The following PIR variants were observed in gnomAD, a reference collection of about 807,000 sequenced individuals.
PIR encodes pirin.
Under a neutral mutation model 24.2 loss-of-function variants are expected in PIR, and 22 were observed. That is an observed-to-expected ratio of 0.91 (90% CI 0.65 to 1.30). The LOEUF is 1.30. Among genes scored for constraint, PIR ranks in the 50% most tolerant of loss-of-function variants. The pLI, the probability that PIR is intolerant of heterozygous loss-of-function variation, is 0.00. For missense variants in PIR, 220 were observed against 220.3 expected (o/e 1.00, Z 0.01); for synonymous variants, 80 against 79.6 (o/e 1.00, Z -0.03).
intron 7 of PIR, among the ~76,000 whole-genome samples, chrX:15,397,974 A>G (rs938622025): frequency 1.3e-4 from 15 of 112,093 alleles, no homozygotes; most frequent in Admixed American, 4.8e-4. Flanking sequence ...CATAGAAATA[A>G]TTCAAAATCC....
At chrX:15,416,668 C>G (rs1924929700) in intron 6 of PIR, among the ~76,000 whole-genome samples, 1 of 111,632 alleles carries the variant, frequency 9.0e-6, no homozygotes, top group South Asian at 3.8e-4. Flanking sequence ...TAGAATATAG[C>G]AAAACTGATG....
chrX:15,483,134 C>T (rs1922599138), intron 2 of PIR, among the ~76,000 whole-genome samples: 1 of 84,927 alleles, frequency 1.2e-5, no homozygotes, highest in South Asian at 4.2e-4. Flanking sequence ...AAAAAACATG[C>T]ACACATATAT....
intron 5 of PIR, among the ~76,000 whole-genome samples, chrX:15,438,175 A>G (rs1230277634): frequency 8.9e-6 from 1 of 112,401 alleles, no homozygotes; most frequent in Non-Finnish European, 1.9e-5. Flanking sequence ...AATTGACCAG[A>G]TCTGCTGAAA....
chrX:15,453,146 T>C (rs1045989912), intron 5 of PIR, among the ~76,000 whole-genome samples: 10 of 111,766 alleles, frequency 8.9e-5, no homozygotes, highest in African/African-American at 2.9e-4. Context: ...CACCAGTTGC[T>C]CCCTATCTTT....
intron 6 of PIR, among the ~76,000 whole-genome samples, chrX:15,412,312 A>G (rs1206912708): frequency 8.9e-6 from 1 of 112,176 alleles, no homozygotes; most frequent in African/African-American, 3.2e-5. Flanking sequence ...GTTATTTTAT[A>G]GAATGCCTCT....
At chrX:15,446,111 G>A (rs1241497612) in intron 5 of PIR, among the ~76,000 whole-genome samples, 2 of 110,872 alleles carry the variant, frequency 1.8e-5, no homozygotes, top group African/African-American at 6.6e-5. Flanking sequence ...TTACAGGCGT[G>A]AGCCACCACA....
At chrX:15,388,506 G>C (rs1256121729) in intron 9 of PIR, among the ~76,000 whole-genome samples, 2 of 112,215 alleles carry the variant, frequency 1.8e-5, no homozygotes, top group African/African-American at 3.2e-5. Context: ...AACCTCATAG[G>C]GTTGTTTTGA....
intron 2 of PIR, 109 bp from the exon 3 acceptor site, chrX:15,479,930 T>A: frequency 2.8e-6 from 1 of 357,658 alleles, no homozygotes; most frequent in Non-Finnish European, 4.9e-6. Context: ...ACATAGCCAA[T>A]GGGCAACTTT....
chrX:15,415,858 A>T (rs1924898022), intron 6 of PIR, among the ~76,000 whole-genome samples: 1 of 111,585 alleles, frequency 9.0e-6, no homozygotes, highest in Admixed American at 9.6e-5. Flanking sequence ...GTACATTTTT[A>T]TGATCTTGAG....
chrX:15,386,288 T>A (rs890797527), intron 9 of PIR, among the ~76,000 whole-genome samples: 3 of 112,446 alleles, frequency 2.7e-5, no homozygotes, highest in Non-Finnish European at 1.9e-5. Context: ...ATAATTTAAA[T>A]CTTCAGAAGG....
intron 3 of PIR, among the ~76,000 whole-genome samples, chrX:15,474,573 G>T (rs1922098272): frequency 8.9e-6 from 1 of 111,818 alleles, no homozygotes; most frequent in African/African-American, 3.3e-5. Context: ...TTAGTACAGT[G>T]GTGCCAAGGG....
intron 3 of PIR, chrX:15,464,229 T>C (rs1269177212): frequency 3.4e-5 from 4 of 117,000 alleles, no homozygotes; most frequent in East Asian, 2.8e-4. Context: ...TGTGTTAGTA[T>C]GCATGGAGGT....
At chrX:15,485,237 A>G (rs891646749) in intron 2 of PIR, among the ~76,000 whole-genome samples, 2 of 112,192 alleles carry the variant, frequency 1.8e-5, no homozygotes, top group Non-Finnish European at 3.8e-5. Context: ...TCTGGAGACT[A>G]AGAAGTCCAA....
At chrX:15,399,389 C>T (rs1924303222) in intron 7 of PIR, among the ~76,000 whole-genome samples, 1 of 112,137 alleles carries the variant, frequency 8.9e-6, no homozygotes, top group South Asian at 3.7e-4. Flanking sequence ...TGGAAATAAC[C>T]AATATGAGGC....
rs765703195 is a variant in PIR, at chrX:15,461,756, C to T, written c.190-2016G>A. Among the ~76,000 whole-genome samples, 14 of 112,043 alleles carry T rather than the reference C, an allele frequency of 1.2e-4. No individual in the cohort carries two copies. In the South Asian group the frequency reaches 4.8e-3, roughly 38 times the overall value. On this transcript the variant is annotated intron_variant, in intron 3 of 9. Transcript: ENST00000380420. ...CGAGATCGCACCATTGCACTCCAGC[C>T]TGGGCAACAAGACTGAGACTTCATC...
At position 15,486,348 on chromosome X, in the gene PIR, G is replaced by T. The variant is rs1922824294; in HGVS notation, c.96+4814C>A. ...AAAACTTGTGGCCACCACCCCTCAGGCATGTGGTACTCCCATAATAAAGCC... is the reference window on the plus strand; with the variant it reads ...AAAACTTGTGGCCACCACCCCTCAGTCATGTGGTACTCCCATAATAAAGCC... On this transcript the variant is annotated intron_variant, in intron 2 of 9. Coordinates refer to ENST00000380420, the MANE Select transcript of PIR (RefSeq NM_001018109.3). 3.1e-5 allele frequency among the ~76,000 whole-genome samples: 3 copies of T among 95,464 alleles called. No homozygotes were observed. The Admixed American group carries it at 3.6e-4, about 11-fold the overall frequency. 82.9% of individuals were successfully genotyped at this position (95,464 alleles called of 115,157 possible). A position where few individuals can be genotyped will look rare whatever the true frequency, so the allele number is the denominator to read the frequency against.
intron 7 of PIR, among the ~76,000 whole-genome samples, chrX:15,397,938 C>T (rs781114795): frequency 1.8e-5 from 2 of 112,023 alleles, no homozygotes; most frequent in South Asian, 7.4e-4. Flanking sequence ...TGGGACAATA[C>T]AGAGACATGC....
chrX:15,425,407 C>CTTCCTTT (rs1925272925), intron 6 of PIR, among the ~76,000 whole-genome samples: 2 of 100,489 alleles, frequency 2.0e-5, no homozygotes, highest in African/African-American at 8.0e-5. Context: ...TCTTTTCTTT[C>CTTCCTTT]TTTCTTTTTT....
intron 7 of PIR, among the ~76,000 whole-genome samples, chrX:15,407,139 T>C (rs746348582): frequency 2.7e-5 from 3 of 112,492 alleles, no homozygotes; most frequent in East Asian, 5.6e-4. Flanking sequence ...CCTCCTTCCA[T>C]TTCCTTCTCC....
Sources: allele counts gnomAD v4.1 joint callset (sites outside exome capture counted in the v4.1 genomes callset), GRCh38; gene constraint gnomAD v4.1.1; transcripts MANE v1.5; gene names NCBI Gene and HGNC (gene_info 2026-07-23, HGNC 2026-07-21).